CRY1: variants seen among roughly 807,000 people sequenced by gnomAD.
The protein encoded by CRY1 is cryptochrome circadian regulator 1.
Under a neutral mutation model 76.0 loss-of-function variants are expected in CRY1, and 45 were observed. The observed-to-expected ratio is 0.59, with a 90% CI of 0.47 to 0.76. The LOEUF (loss-of-function observed/expected upper bound fraction) is 0.76. Among genes scored for constraint, CRY1 ranks in the 30% least tolerant of loss-of-function variants. The pLI is 0.00. For synonymous variants in CRY1, 248 were observed against 244.0 expected (o/e 1.02, Z -0.15); for missense variants, 587 against 716.4 (o/e 0.82, Z 2.06).
At chr12:107,066,157 G>C (rs555736404) in intron 1 of CRY1, among the ~76,000 whole-genome samples, 1 of 152,158 alleles carries the variant, frequency 6.6e-6, no homozygotes, top group African/African-American at 2.4e-5. Context: ...TGATTAGTCC[G>C]AAACTGGGAA....
At chr12:107,062,704 T>C (rs985171045) in intron 1 of CRY1, among the ~76,000 whole-genome samples, 2 of 152,186 alleles carry the variant, frequency 1.3e-5, no homozygotes, top group Admixed American at 6.5e-5. Flanking sequence ...AGGAAATATA[T>C]ATTCAAGCCA....
chr12:107,068,290 A>G (rs1953137098), intron 1 of CRY1, among the ~76,000 whole-genome samples: 2 of 152,166 alleles, frequency 1.3e-5, no homozygotes, highest in Admixed American at 6.5e-5. Flanking sequence ...TAATACATAT[A>G]ATACAAAACT....
intron 1 of CRY1, among the ~76,000 whole-genome samples, chr12:107,068,324 G>T (rs1350637467): frequency 6.6e-6 from 1 of 152,044 alleles, no homozygotes. Flanking sequence ...TTGAGACAGC[G>T]TCTCACTCTT....
chr12:107,009,637 G>A (rs950328720), intron 2 of CRY1, among the ~76,000 whole-genome samples: 3 of 141,588 alleles, frequency 2.1e-5, no homozygotes, highest in Non-Finnish European at 4.6e-5. Flanking sequence ...GGTCCGGTAC[G>A]GTGGCTCATA....
intron 1 of CRY1, among the ~76,000 whole-genome samples, chr12:107,063,019 T>G (rs540392183): frequency 6.6e-6 from 1 of 150,384 alleles, no homozygotes; most frequent in African/African-American, 2.4e-5. Context: ...CTTTATTTAT[T>G]TTTAAGTTAA....
Position 107,014,596 on chromosome 12 carries a change from A to G in CRY1, c.267+7488T>C, listed in dbSNP as rs1302449317. ...ATTTTTTGTTTTCTTTCTACTAACTATTAGTTTAATGTGTTCTTTTTCTAT... is the reference window on the plus strand; with the variant it reads ...ATTTTTTGTTTTCTTTCTACTAACTGTTAGTTTAATGTGTTCTTTTTCTAT... On this transcript the variant is annotated intron_variant, in intron 2 of 12. Transcript: ENST00000008527. 2.7e-5 allele frequency among the ~76,000 whole-genome samples: 4 copies of G among 146,894 alleles called. No individual in the cohort carries two copies. In the Admixed American group the frequency reaches 2.8e-4, roughly 10 times the overall value.
chr12:106,998,567 A>G (rs1273919321), intron 7 of CRY1, among the ~76,000 whole-genome samples: 1 of 152,154 alleles, frequency 6.6e-6, no homozygotes, highest in Admixed American at 6.5e-5. Context: ...GAAAGAAAAT[A>G]GAATTAAAAT....
chr12:107,031,087 C>A (rs1384169537), intron 1 of CRY1, among the ~76,000 whole-genome samples: 1 of 152,250 alleles, frequency 6.6e-6, no homozygotes, highest in South Asian at 2.1e-4. Context: ...GATTAAGATA[C>A]CCTAACAGAA....
At chr12:107,037,735 G>T (rs1270987138) in intron 1 of CRY1, among the ~76,000 whole-genome samples, 1 of 151,928 alleles carries the variant, frequency 6.6e-6, no homozygotes, top group Non-Finnish European at 1.5e-5. Context: ...TAGAGAAAGA[G>T]TCTCACTCTG....
chr12:107,074,545 T>C (rs1169147204), intron 1 of CRY1, among the ~76,000 whole-genome samples: 1 of 152,202 alleles, frequency 6.6e-6, no homozygotes, highest in African/African-American at 2.4e-5. Flanking sequence ...TATCCAATTA[T>C]TTAAAATATG....
At chr12:107,047,282 A>T (rs565435221) in intron 1 of CRY1, among the ~76,000 whole-genome samples, 1 of 152,366 alleles carries the variant, frequency 6.6e-6, no homozygotes, top group African/African-American at 2.4e-5. Context: ...CAGTGGATCA[A>T]TGAAGAAATT....
intron 2 of CRY1, among the ~76,000 whole-genome samples, chr12:107,012,040 T>C (rs1043146629): frequency 7.9e-5 from 12 of 151,750 alleles, no homozygotes; most frequent in African/African-American, 2.9e-4. Flanking sequence ...AAATACAAAA[T>C]TTAGCCGGGC....
intron 2 of CRY1, among the ~76,000 whole-genome samples, chr12:107,017,054 C>A (rs1240477617): frequency 6.6e-6 from 1 of 152,202 alleles, no homozygotes; most frequent in Non-Finnish European, 1.5e-5. Flanking sequence ...ACTTCCAATC[C>A]CCTGTGTATT....
rs546420300 is a variant in CRY1, at chr12:107,000,511, G to A, written c.685-429C>T. 3.0e-3 allele frequency among the ~76,000 whole-genome samples: 449 copies of A among 152,008 alleles called. 1 individual carries two copies. The highest frequency in any genetic ancestry group is 5.5e-3 in the African/African-American group (229 of 41,464). On this transcript the variant is annotated intron_variant, in intron 5 of 12. Transcript: ENST00000008527. ...ACTACAGGCATGCGCCACCACGCCC[G>A]GCTAATTTTTGTATTTTTAGTAGGG... is the stretch of plus-strand genomic sequence containing the variant.
chr12:107,011,206 T>A (rs1952439686), intron 2 of CRY1, among the ~76,000 whole-genome samples: 1 of 151,834 alleles, frequency 6.6e-6, no homozygotes, highest in Non-Finnish European at 1.5e-5. Context: ...AAACAAAAAC[T>A]GGGCATGGTG....
chr12:107,074,543 T>C (rs1261833402), intron 1 of CRY1, among the ~76,000 whole-genome samples: 1 of 152,212 alleles, frequency 6.6e-6, no homozygotes, highest in Non-Finnish European at 1.5e-5. Flanking sequence ...AATATCCAAT[T>C]ATTTAAAATA....
chr12:107,006,140 C>T (rs1019970891), intron 2 of CRY1, among the ~76,000 whole-genome samples: 10 of 152,090 alleles, frequency 6.6e-5, no homozygotes, highest in African/African-American at 2.2e-4. Flanking sequence ...AATCCTAGCA[C>T]TCTGGGAGGC....
intron 1 of CRY1, among the ~76,000 whole-genome samples, chr12:107,039,796 C>T (rs61942403): frequency 0.044 from 6,651 of 152,150 alleles, 272 homozygotes; most frequent in African/African-American, 0.11. Flanking sequence ...TATGATTTGG[C>T]CACTCAACTC....
intron 1 of CRY1, among the ~76,000 whole-genome samples, chr12:107,023,266 A>G (rs1018873260): frequency 3.9e-4 from 59 of 152,224 alleles, no homozygotes; most frequent in African/African-American, 1.4e-3. Flanking sequence ...TGCAAATTCT[A>G]GAAGTGCACT....
Sources: allele counts gnomAD v4.1 joint callset (sites outside exome capture counted in the v4.1 genomes callset), GRCh38; gene constraint gnomAD v4.1.1; transcripts MANE v1.5; gene names NCBI Gene and HGNC (gene_info 2026-07-23, HGNC 2026-07-21).